Variants in MAGI2 observed in about 807,000 individuals in gnomAD.
The protein encoded by MAGI2 is membrane-associated guanylate kinase, WW and PDZ domain-containing protein 2.
MAGI2 carries 35 observed loss-of-function variants against 133.3 expected under a neutral mutation model. That is an observed-to-expected ratio of 0.26 (90% CI 0.20 to 0.35). The LOEUF (loss-of-function observed/expected upper bound fraction) is 0.35, where lower values mean the gene tolerates loss of function less well. MAGI2 is among the 10% of genes least tolerant of loss of function. The probability of loss-of-function intolerance (pLI) is 1.00; values close to 1 mark genes in which losing one functional copy is unlikely to be tolerated. For missense variants in MAGI2, 1,636 were observed against 1,863.4 expected (o/e 0.88, Z 2.25); for synonymous variants, 729 against 710.6 (o/e 1.03, Z -0.41).
At chr7:78,936,152 T>A (rs941193513) in intron 2 of MAGI2, among the ~76,000 whole-genome samples, 1 of 151,830 alleles carries the variant, frequency 6.6e-6, no homozygotes, top group Admixed American at 6.6e-5. Flanking sequence ...ACAATGTATG[T>A]AAGGAAAATG....
chr7:78,577,640 G>T (rs1802402635), intron 3 of MAGI2, among the ~76,000 whole-genome samples: 2 of 151,376 alleles, frequency 1.3e-5, no homozygotes, highest in Admixed American at 6.6e-5. Context: ...GGAAAAAGGG[G>T]GGTTGTTCTC....
chr7:78,129,815 AT>A (rs1821367746), intron 18 of MAGI2, among the ~76,000 whole-genome samples: 1 of 151,902 alleles, frequency 6.6e-6, no homozygotes, highest in Non-Finnish European at 1.5e-5. Flanking sequence ...CATGCCTGTA[AT>A]CCCAGCTACT....
chr7:78,035,182 A>T (rs1250207404), intron 21 of MAGI2: 1 of 153,764 alleles, frequency 6.5e-6, no homozygotes, highest in East Asian at 1.9e-4. Flanking sequence ...TTGAGATGAG[A>T]TGAGGAGCCA....
intron 20 of MAGI2, among the ~76,000 whole-genome samples, chr7:78,105,278 C>T (rs1308778666): frequency 2.6e-5 from 4 of 152,088 alleles, no homozygotes; most frequent in African/African-American, 9.7e-5. Context: ...AGGGTCATTT[C>T]CAGTTTTTTA....
intron 9 of MAGI2, among the ~76,000 whole-genome samples, chr7:78,306,142 C>T (rs1305795940): frequency 6.6e-6 from 1 of 152,154 alleles, no homozygotes; most frequent in African/African-American, 2.4e-5. Flanking sequence ...AGTTTCACTT[C>T]ATTGTTATCA....
At chr7:79,312,705 A>T (rs565396017) in intron 1 of MAGI2, among the ~76,000 whole-genome samples, 2 of 152,318 alleles carry the variant, frequency 1.3e-5, no homozygotes, top group South Asian at 4.1e-4. Flanking sequence ...AGTGCTTGGC[A>T]CAAAGTGTGC....
chr7:79,357,102 T>C (rs1842071481), intron 1 of MAGI2, among the ~76,000 whole-genome samples: 2 of 152,216 alleles, frequency 1.3e-5, no homozygotes, highest in African/African-American at 4.8e-5. Context: ...ATTGGAAATC[T>C]GACAGTCAGG....
At position 78,882,086 on chromosome 7, in the gene MAGI2, C is replaced by CAAAAAAAAAAAAAAAAAAAAAAAAAAA. The variant is rs771918590; in HGVS notation, c.418+125003_418+125004insTTTTTTTTTTTTTTTTTTTTTTTTTTT. Among the ~76,000 whole-genome samples, 79 of 12,472 alleles carry CAAAAAAAAAAAAAAAAAAAAAAAAAAA rather than the reference C, an allele frequency of 6.3e-3. 3 individuals are homozygous for CAAAAAAAAAAAAAAAAAAAAAAAAAAA. The highest frequency in any genetic ancestry group is 7.2e-3 in the Non-Finnish European group (53 of 7,318). The allele number at this position is 12,472 out of a possible 152,430, so 8.2% of individuals were successfully genotyped here. A position where few individuals can be genotyped will look rare whatever the true frequency, so the allele number is the denominator to read the frequency against. ...GCTAGATTAACAACAACAACAACAA[C>CAAAAAAAAAAAAAAAAAAAAAAAAAAA]AAAAAAAAAAAAAAAAAAAAAAGAA... On this transcript the variant is annotated intron_variant, in intron 2 of 21. Transcript: ENST00000354212.
chr7:79,384,944 A>C (rs1009565106), intron 1 of MAGI2, among the ~76,000 whole-genome samples: 69 of 151,714 alleles, frequency 4.5e-4, no homozygotes, highest in African/African-American at 1.6e-3. Context: ...TTTCTGTTAG[A>C]CTCTGTCACT....
At chr7:78,380,809 A>T (rs1408317416) in intron 6 of MAGI2, among the ~76,000 whole-genome samples, 1 of 152,182 alleles carries the variant, frequency 6.6e-6, no homozygotes, top group Non-Finnish European at 1.5e-5. Flanking sequence ...CGAGATTATT[A>T]TGCATTGCAC....
intron 2 of MAGI2, among the ~76,000 whole-genome samples, chr7:78,691,523 A>G (rs1472067734): frequency 6.6e-6 from 1 of 152,210 alleles, no homozygotes; most frequent in Non-Finnish European, 1.5e-5. Flanking sequence ...TCCTGATTTT[A>G]AAGAGAATGA....
At chr7:79,384,272 T>C (rs1427154444) in intron 1 of MAGI2, among the ~76,000 whole-genome samples, 1 of 151,530 alleles carries the variant, frequency 6.6e-6, no homozygotes, top group Admixed American at 6.6e-5. Flanking sequence ...TTGATAAATA[T>C]GACCATATAA....
intron 3 of MAGI2, among the ~76,000 whole-genome samples, chr7:78,547,862 C>T (rs559287385): frequency 6.6e-6 from 1 of 152,202 alleles, no homozygotes; most frequent in Non-Finnish European, 1.5e-5. Flanking sequence ...ATTGAGTGAA[C>T]TGATGTTATC....
chr7:78,579,417 C>T (rs1802611406), intron 3 of MAGI2, among the ~76,000 whole-genome samples: 1 of 152,156 alleles, frequency 6.6e-6, no homozygotes, highest in South Asian at 2.1e-4. Flanking sequence ...GGCAGGAAAG[C>T]TCTTTGCCTT....
chr7:79,409,225 A>G (rs1585874604), intron 1 of MAGI2, among the ~76,000 whole-genome samples: 3 of 150,108 alleles, frequency 2.0e-5, no homozygotes, highest in African/African-American at 7.5e-5. Context: ...AGAATTAAAA[A>G]AATTTTTTTT....
At chr7:78,660,251 C>A (rs1307902693) in intron 2 of MAGI2, among the ~76,000 whole-genome samples, 1 of 151,854 alleles carries the variant, frequency 6.6e-6, no homozygotes, top group Non-Finnish European at 1.5e-5. Context: ...TACACATGTA[C>A]CCTAGAACTT....
chr7:78,728,366 C>A (rs943560441), intron 2 of MAGI2, among the ~76,000 whole-genome samples: 1 of 152,004 alleles, frequency 6.6e-6, no homozygotes, highest in African/African-American at 2.4e-5. Context: ...ATATGCTATA[C>A]CCGCATGAAT....
intron 2 of MAGI2, among the ~76,000 whole-genome samples, chr7:78,772,935 C>T (rs1352920868): frequency 6.6e-6 from 1 of 152,062 alleles, no homozygotes; most frequent in Non-Finnish European, 1.5e-5. Flanking sequence ...TTCTTTTTTC[C>T]CTCTAGCATT....
intron 2 of MAGI2, among the ~76,000 whole-genome samples, chr7:78,749,036 T>C (rs1185535593): frequency 1.3e-5 from 2 of 152,166 alleles, no homozygotes; most frequent in African/African-American, 4.8e-5. Context: ...TAAGGCATGG[T>C]TGTGGGAGAG....
Sources: gnomAD v4.1 joint callset for allele counts (sites outside exome capture counted in the v4.1 genomes callset) on GRCh38, gnomAD v4.1.1 for gene constraint, MANE v1.5 for transcripts, NCBI Gene and HGNC (gene_info 2026-07-23, HGNC 2026-07-21) for gene names.